Variants in EHBP1 observed in about 807,000 individuals in gnomAD.
EHBP1 encodes EH domain-binding protein 1.
A neutral mutation model predicts 144.0 loss-of-function variants in EHBP1; 55 were observed. The observed-to-expected ratio is 0.38, with a 90% CI of 0.31 to 0.48. The LOEUF is 0.48. Ranked by LOEUF, EHBP1 falls within the 20% of genes least tolerant of loss-of-function variation. The pLI, the probability that EHBP1 is intolerant of heterozygous loss-of-function variation, is 0.98. For synonymous variants in EHBP1, 469 were observed against 472.7 expected (o/e 0.99, Z 0.10); for missense variants, 1,200 against 1,364.2 (o/e 0.88, Z 1.90).
chr2:62,835,686 C>T (rs2047168625), intron 7 of EHBP1, among the ~76,000 whole-genome samples: 1 of 152,190 alleles, frequency 6.6e-6, no homozygotes, highest in Admixed American at 6.5e-5. Flanking sequence ...CTGGGAAGCG[C>T]AAGGGGTCAG....
In EHBP1 at chr2:62,838,504, A is replaced by G. The variant is rs563558234; in HGVS notation, c.634+7346A>G. On this transcript the variant is annotated intron_variant, in intron 7 of 22. Coordinates refer to ENST00000431489, the MANE Select transcript of EHBP1 (RefSeq NM_001142616.3). ...ACAACTAAAATCAGAGCAGAACTGAAGGAAATAGAGACACAAAAAGCCCTT... is the reference window on the plus strand; with the variant it reads ...ACAACTAAAATCAGAGCAGAACTGAGGGAAATAGAGACACAAAAAGCCCTT... Among the ~76,000 whole-genome samples, 5 of 152,340 alleles carry G rather than the reference A, an allele frequency of 3.3e-5. No individual in the cohort carries two copies. In the South Asian group the frequency reaches 8.3e-4, roughly 25 times the overall value.
At chr2:62,935,813 G>T (rs2056346647) in intron 10 of EHBP1, among the ~76,000 whole-genome samples, 1 of 152,024 alleles carries the variant, frequency 6.6e-6, no homozygotes, top group African/African-American at 2.4e-5. Context: ...AGAAGATTCT[G>T]TATTACAGGT....
intron 5 of EHBP1, among the ~76,000 whole-genome samples, chr2:62,795,740 T>A (rs1177414856): frequency 1.3e-5 from 2 of 152,130 alleles, no homozygotes; most frequent in African/African-American, 4.8e-5. Flanking sequence ...AAATGCATTT[T>A]AAAAAACATG....
chr2:62,774,133 G>A (rs1022780588), intron 5 of EHBP1, among the ~76,000 whole-genome samples: 1 of 152,022 alleles, frequency 6.6e-6, no homozygotes, highest in African/African-American at 2.4e-5. Flanking sequence ...CACTTTGGGA[G>A]GCCAAGGCGG....
intron 5 of EHBP1, among the ~76,000 whole-genome samples, chr2:62,824,702 G>A (rs978216449): frequency 2.4e-4 from 36 of 151,876 alleles, no homozygotes; most frequent in African/African-American, 8.0e-4. Flanking sequence ...TTATTGCTGT[G>A]CATAATCTGA....
chr2:63,022,694 T>C (rs1044025122), intron 19 of EHBP1, among the ~76,000 whole-genome samples: 1 of 152,196 alleles, frequency 6.6e-6, no homozygotes, highest in African/African-American at 2.4e-5. Flanking sequence ...ACACTTTTCA[T>C]AGGCCTGTAG....
rs1491440352 is a variant in EHBP1 at position 62,681,376 on chromosome 2, TAA to T, written c.-296+7295_-296+7296del. On this transcript the variant is annotated intron_variant, in intron 1 of 22. Coordinates refer to the EHBP1 transcript ENST00000405015. ...TATATATATAATGTGTATATATGTA[TAA>T]ATATATAATGTGTATATATGTATAT... 6.3e-4 allele frequency among the ~76,000 whole-genome samples: 75 copies of T among 118,502 alleles called. 1 individual carries two copies. The highest frequency in any genetic ancestry group is 1.1e-3 in the African/African-American group (34 of 30,192). 77.7% of individuals were successfully genotyped at this position (118,502 alleles called of 152,430 possible).
chr2:62,829,341 C>T (rs1361483635), intron 6 of EHBP1, among the ~76,000 whole-genome samples: 1 of 151,804 alleles, frequency 6.6e-6, no homozygotes, highest in African/African-American at 2.4e-5. Context: ...AATGTGTAGT[C>T]TTTTATCCCT....
intron 8 of EHBP1, among the ~76,000 whole-genome samples, chr2:62,862,380 G>A (rs1258887734): frequency 1.3e-5 from 2 of 151,864 alleles, no homozygotes; most frequent in South Asian, 2.1e-4. Flanking sequence ...AGGCTGAGGC[G>A]GGCAGATCAC....
intron 10 of EHBP1, among the ~76,000 whole-genome samples, chr2:62,905,069 G>A (rs1306687258): frequency 6.6e-6 from 1 of 152,168 alleles, no homozygotes; most frequent in Non-Finnish European, 1.5e-5. Context: ...TTCTATGAAG[G>A]TGATGTTTAA....
chr2:62,898,159 G>T (rs964781909), intron 10 of EHBP1, among the ~76,000 whole-genome samples: 1 of 152,024 alleles, frequency 6.6e-6, no homozygotes, highest in Non-Finnish European at 1.5e-5. Flanking sequence ...GCCATTGGTG[G>T]GTTCTGATTC....
intron 2 of EHBP1, among the ~76,000 whole-genome samples, chr2:62,708,510 T>A (rs2034816790): frequency 1.3e-5 from 2 of 152,192 alleles, no homozygotes; most frequent in African/African-American, 4.8e-5. Context: ...ATTTAACTTC[T>A]CCGTGATTCA....
At chr2:62,872,287 A>G (rs1461350377) in intron 9 of EHBP1, among the ~76,000 whole-genome samples, 6 of 152,118 alleles carry the variant, frequency 3.9e-5, no homozygotes, top group Non-Finnish European at 1.5e-5. Context: ...TGAATTTTCA[A>G]CTTACTGAGT....
At chr2:62,714,404 A>G (rs964679721) in intron 2 of EHBP1, among the ~76,000 whole-genome samples, 2 of 152,198 alleles carry the variant, frequency 1.3e-5, no homozygotes, top group Non-Finnish European at 2.9e-5. Flanking sequence ...AGAAGAGACC[A>G]TTGTGCCAGT....
At chr2:62,927,565 T>C (rs997656458) in intron 10 of EHBP1, among the ~76,000 whole-genome samples, 1 of 152,160 alleles carries the variant, frequency 6.6e-6, no homozygotes, top group Non-Finnish European at 1.5e-5. Flanking sequence ...CAAGAAGATA[T>C]AACAGTTAAA....
intron 3 of EHBP1, among the ~76,000 whole-genome samples, chr2:62,755,274 T>A (rs929399574): frequency 6.6e-6 from 1 of 152,246 alleles, no homozygotes; most frequent in African/African-American, 2.4e-5. Flanking sequence ...CAGTCAGGCT[T>A]GTTTCGCTTG....
intron 3 of EHBP1, among the ~76,000 whole-genome samples, chr2:62,753,931 G>C (rs1046526894): frequency 2.0e-5 from 3 of 152,126 alleles, no homozygotes; most frequent in Non-Finnish European, 2.9e-5. Context: ...CTTTGCGATG[G>C]GTTCGAACTT....
chr2:63,010,788 C>T (rs1011531869), intron 19 of EHBP1, among the ~76,000 whole-genome samples: 3 of 151,628 alleles, frequency 2.0e-5, no homozygotes, highest in African/African-American at 4.8e-5. Flanking sequence ...GAACATTATA[C>T]GTTCATTCCA....
intron 3 of EHBP1, among the ~76,000 whole-genome samples, chr2:62,760,037 C>A (rs2040641008): frequency 1.3e-5 from 2 of 152,184 alleles, no homozygotes; most frequent in Admixed American, 6.5e-5. Context: ...ATACTGAAAT[C>A]TGCACATAAA....
Sources: gnomAD v4.1 joint callset for allele counts (sites outside exome capture counted in the v4.1 genomes callset) on GRCh38, gnomAD v4.1.1 for gene constraint, MANE v1.5 for transcripts, NCBI Gene and HGNC (gene_info 2026-07-23, HGNC 2026-07-21) for gene names.